Variants in COG5 observed in about 807,000 individuals in gnomAD.
The protein encoded by COG5 is component of oligomeric golgi complex 5, also known as conserved oligomeric Golgi complex subunit 5.
A neutral mutation model predicts 110.4 loss-of-function variants in COG5; 86 were observed. The observed-to-expected ratio is 0.78, with a 90% CI of 0.65 to 0.93. The LOEUF is 0.93. Among genes scored for constraint, COG5 ranks in the 40% least tolerant of loss-of-function variants. COG5 has a pLI of 0.00. For synonymous variants in COG5, 360 were observed against 334.6 expected, an observed-to-expected ratio of 1.08 and a Z score of -0.83; for missense variants, 1,077 against 987.0, an observed-to-expected ratio of 1.09 and a Z score of -1.22.
chr7:107,260,249 A>C (rs1051477393), intron 14 of COG5, among the ~76,000 whole-genome samples: 8 of 152,170 alleles, frequency 5.3e-5, no homozygotes, highest in Non-Finnish European at 1.0e-4. Flanking sequence ...CAACACAAAG[A>C]AATAAAGTTC....
At chr7:107,294,952 T>TATATATATACACACATATATATATACAC (rs1806526506) in intron 12 of COG5, among the ~76,000 whole-genome samples, 2 of 81,934 alleles carry the variant, frequency 2.4e-5, no homozygotes, top group Non-Finnish European at 5.5e-5. Flanking sequence ...CACACACACA[T>TATATATATACACACATATATATATACAC]ATATATATAC....
intron 5 of COG5, among the ~76,000 whole-genome samples, chr7:107,546,453 T>TTTTTTTTTTTTG (rs1802462721): frequency 6.7e-6 from 1 of 148,376 alleles, no homozygotes; most frequent in Non-Finnish European, 1.5e-5. Flanking sequence ...TTTTTTTTTT[T>TTTTTTTTTTTTG]GAGACAAGGT....
chr7:107,250,817 G>C (rs1802447117), intron 16 of COG5, among the ~76,000 whole-genome samples: 1 of 151,944 alleles, frequency 6.6e-6, no homozygotes, highest in Non-Finnish European at 1.5e-5. Flanking sequence ...CCTGAAGACA[G>C]AATTAACAGA....
At chr7:107,266,394 A>C (rs1383637124) in intron 14 of COG5, among the ~76,000 whole-genome samples, 1 of 152,186 alleles carries the variant, frequency 6.6e-6, no homozygotes, top group Non-Finnish European at 1.5e-5. Flanking sequence ...TAGGTTAACC[A>C]TTGTAAATGT....
At chr7:107,431,809 C>T (rs964322109) in intron 6 of COG5, among the ~76,000 whole-genome samples, 1 of 152,086 alleles carries the variant, frequency 6.6e-6, no homozygotes, top group Admixed American at 6.6e-5. Flanking sequence ...GCATGCACCA[C>T]CACACCTAGC....
At chr7:107,421,701 G>A (rs571811003) in intron 6 of COG5, among the ~76,000 whole-genome samples, 3 of 151,928 alleles carry the variant, frequency 2.0e-5, no homozygotes, top group African/African-American at 7.2e-5. Flanking sequence ...GGGATGGGGA[G>A]GTTGCAGTGA....
chr7:107,446,467 G>A (rs191000407), intron 6 of COG5, among the ~76,000 whole-genome samples: 123 of 152,204 alleles, frequency 8.1e-4, no homozygotes, highest in African/African-American at 2.7e-3. Context: ...TGATCCCTGC[G>A]TCCTGGTAAT....
At chr7:107,204,295 G>A (rs1562908218) in intron 21 of COG5, among the ~76,000 whole-genome samples, 1 of 152,058 alleles carries the variant, frequency 6.6e-6, no homozygotes, top group Non-Finnish European at 1.5e-5. Flanking sequence ...TTTATATATT[G>A]TCTGTGGCTG....
chr7:107,509,514 C>A (rs1311007968), intron 6 of COG5, among the ~76,000 whole-genome samples: 1 of 152,190 alleles, frequency 6.6e-6, no homozygotes, highest in East Asian at 1.9e-4. Context: ...TCTAGCAAGG[C>A]AGGCCAACAT....
rs572308917 is a variant in COG5, at chr7:107,525,284, A to G, written c.538+1953T>C. ...GACCATTTGTATTACAGAATCTGTC[A>G]ATTATAGAAGAAATTATAATCATAA... On this transcript the variant is annotated intron_variant, in intron 6 of 21. Transcript: ENST00000297135. Among the ~76,000 whole-genome samples, 437 of 151,908 alleles carry G rather than the reference A, an allele frequency of 2.9e-3. 3 individuals carry two copies. Among genetic ancestry groups the G allele is most frequent in the African/African-American group, 9.9e-3 (408 of 41,408 alleles).
In COG5 at chr7:107,548,121, G is replaced by C. The variant is rs776621037; in HGVS notation, c.407C>G (p.Ala136Gly). 1.2e-6 allele frequency: 2 copies of C among 1,613,260 alleles called. No homozygotes were observed. The highest frequency in any genetic ancestry group is 8.5e-7 in the Non-Finnish European group (1 of 1,179,400). Residue 136 changes from alanine to glycine, a missense_variant, in exon 5 of 22, where the codon GCA (alanine) becomes GGA (glycine). Coordinates refer to ENST00000297135, the MANE Select transcript of COG5 (RefSeq NM_006348.5). Reference sequence around the variant, plus strand: ...AAAGTAAGAAACTACCTGAAGTCTTGCTAGTTGTGCAGTCCGGGCAACTAT... The same window carrying C: ...AAAGTAAGAAACTACCTGAAGTCTTCCTAGTTGTGCAGTCCGGGCAACTAT... Reference protein sequence around the residue: ...NKIVARTAQLARLQVACDLLR... With the variant: ...NKIVARTAQLGRLQVACDLLR...
At chr7:107,543,983 AG>A (rs1802238370) in intron 5 of COG5, among the ~76,000 whole-genome samples, 1 of 151,936 alleles carries the variant, frequency 6.6e-6, no homozygotes, top group Admixed American at 6.6e-5. Flanking sequence ...CCCAGTCTCC[AG>A]GCAAGCCCTT....
chr7:107,247,197 A>G (rs1051173416), intron 17 of COG5, among the ~76,000 whole-genome samples: 1 of 152,150 alleles, frequency 6.6e-6, no homozygotes, highest in Admixed American at 6.5e-5. Context: ...AGAAGGAAAC[A>G]ACAGACACTG....
chr7:107,309,743 G>A (rs889444212), intron 11 of COG5, among the ~76,000 whole-genome samples: 7 of 152,102 alleles, frequency 4.6e-5, no homozygotes, highest in Admixed American at 6.5e-5. Flanking sequence ...ATTTTACTTT[G>A]TAATTTTAGG....
chr7:107,488,875 A>G (rs1563062910), intron 6 of COG5, among the ~76,000 whole-genome samples: 1 of 152,098 alleles, frequency 6.6e-6, no homozygotes, highest in Non-Finnish European at 1.5e-5. Context: ...TAAAAAAAAA[A>G]TAACAGCATT....
chr7:107,314,432 A>C (rs1477207456), intron 11 of COG5, among the ~76,000 whole-genome samples: 2 of 152,152 alleles, frequency 1.3e-5, no homozygotes, highest in Non-Finnish European at 2.9e-5. Context: ...TAGCTTAATA[A>C]ATACTTTTTT....
At chr7:107,335,042 T>C (rs980680790) in intron 10 of COG5, among the ~76,000 whole-genome samples, 1 of 152,240 alleles carries the variant, frequency 6.6e-6, no homozygotes, top group African/African-American at 2.4e-5. Context: ...GATTCACAGG[T>C]GTTTTCTCAG....
In COG5 at chr7:107,527,110, C is replaced by A. The variant is rs144573943; in HGVS notation, c.538+127G>T. 6.2e-3 allele frequency: 4,547 copies of A among 738,706 alleles called. 29 individuals carry two copies. Among genetic ancestry groups the A allele is most frequent in the Non-Finnish European group, 7.1e-3 (3,297 of 462,878 alleles). The allele number at this position is 738,706 out of a possible 1,614,324, so 45.8% of individuals were successfully genotyped here. On this transcript the variant is annotated intron_variant, in intron 6 of 21. Coordinates refer to ENST00000297135, the MANE Select transcript of COG5 (RefSeq NM_006348.5). ...CTGAGAAGTGTTACAATATTGTATACAGCCAATTATTTAAAAATTTGTTTA... is the reference window on the plus strand; with the variant it reads ...CTGAGAAGTGTTACAATATTGTATAAAGCCAATTATTTAAAAATTTGTTTA...
chr7:107,455,646 C>T (rs187372284), intron 6 of COG5, among the ~76,000 whole-genome samples: 2 of 152,190 alleles, frequency 1.3e-5, no homozygotes, highest in East Asian at 1.9e-4. Context: ...TGTAATAACA[C>T]CTGTGAGAGA....
Sources: allele counts gnomAD v4.1 joint callset (sites outside exome capture counted in the v4.1 genomes callset), GRCh38; gene constraint gnomAD v4.1.1; transcripts MANE v1.5; gene names NCBI Gene and HGNC (gene_info 2026-07-23, HGNC 2026-07-21).